TONSL: variants seen among roughly 807,000 people sequenced by gnomAD.
TONSL encodes tonsoku-like protein.
A neutral mutation model predicts 147.1 loss-of-function variants in TONSL; 112 were observed. The ratio of observed to expected loss-of-function variants is 0.76; its 90% CI spans 0.65 to 0.89. TONSL has a LOEUF of 0.89. TONSL is among the 40% of genes least tolerant of loss of function. TONSL has a pLI of 0.00. For missense variants in TONSL, 1,883 were observed against 1,864.6 expected, an observed-to-expected ratio of 1.01 and a Z score of -0.18; for synonymous variants, 868 against 801.5, an observed-to-expected ratio of 1.08 and a Z score of -1.40.
Position 144,431,155 on chromosome 8 carries a change from G to A in TONSL, c.3736-4C>T, listed in dbSNP as rs569775445. On this transcript the variant is annotated splice_region_variant and splice_polypyrimidine_tract_variant and intron_variant, in intron 23 of 25. Transcript: ENST00000409379. ...GGTGGGCTAGAGCACAGCCTTCCTG[G>A]ACATGAGCAGAGGCCCAAGGGGGCC... 6.2e-7 allele frequency: 1 copy of A among 1,614,026 alleles called. No homozygotes were observed.
rs1484689293 is a variant in TONSL at position 144,434,909 on chromosome 8, G to A, written c.3007-20C>T. The A allele has an allele frequency of 6.8e-6, 11 of 1,613,002 alleles. No homozygotes were observed. The highest frequency in any genetic ancestry group is 8.5e-6 in the Non-Finnish European group (10 of 1,179,852). On this transcript the variant is annotated intron_variant, in intron 19 of 25. Coordinates refer to ENST00000409379, the MANE Select transcript of TONSL (RefSeq NM_013432.5). ...CAACACCTGGAAGGCACCGTCATGA[G>A]CCACCTGGGGGCTCCCCCGGCTCAC...
chr8:144,433,880 T>C, intron 21 of TONSL, 98 bp downstream of exon 21: 1 of 1,465,010 alleles, frequency 6.8e-7, no homozygotes, highest in Non-Finnish European at 9.0e-7. Context: ...AGCCGGGCAC[T>C]GGCTGGCTCT....
At chr8:144,435,232 C>A (rs1823393158) in intron 18 of TONSL, 62 bp from the exon 19 acceptor site, 1 of 1,438,790 alleles carries the variant, frequency 7.0e-7, no homozygotes, top group Non-Finnish European at 9.1e-7. Flanking sequence ...CCCCAGGGAC[C>A]CGCCATCCCT....
chr8:144,441,097 G>A lies in TONSL; in HGVS notation c.880C>T (p.Arg294Trp), dbSNP rs946882247. Residue 294 changes from arginine (R) to tryptophan (W), a missense_variant, in exon 8 of 26, where the codon CGG (arginine) becomes TGG (tryptophan). Arg to Trp is a moderately radical substitution (Grantham distance 101). Transcript: ENST00000409379. ...QNLQHVLAVV[R>W]LQQQLEEAEG... is the part of the protein sequence containing the mutation. ...GCCTCTTCCAGCTGTTGCTGCAGCC[G>A]GACCACTGCCAGCACTGCCGGGAAG... 1.1e-5 allele frequency: 18 copies of A among 1,612,780 alleles called. No homozygotes were observed. Among genetic ancestry groups the A allele is most frequent in the East Asian group, 4.5e-5 (2 of 44,878 alleles).
In TONSL at chr8:144,428,878, C is replaced by T; in HGVS notation, c.*265G>A. ...GATCTCGGCTCACTGCAAGCTCCGC[C>T]TCCCGGGTTCACGCCATTCTCCTGC... is the stretch of plus-strand genomic sequence containing the variant. On this transcript the variant is annotated 3_prime_UTR_variant, in exon 26 of 26. Transcript: ENST00000409379. The T allele has an allele frequency of 3.0e-6, 1 of 329,072 alleles. No homozygotes were observed. The highest frequency in any genetic ancestry group is 7.8e-5 in the South Asian group (1 of 12,802). The allele number at this position is 329,072 out of a possible 1,614,324, so 20.4% of individuals were successfully genotyped here. A position where few individuals can be genotyped will look rare whatever the true frequency, so the allele number is the denominator to read the frequency against.
chr8:144,440,570 G>A lies in TONSL; in HGVS notation c.1165-94C>T, dbSNP rs544156783. 1.5e-5 allele frequency: 23 copies of A among 1,522,846 alleles called. No individual in the cohort carries two copies. The Admixed American group carries it at 3.8e-4, about 25-fold the overall frequency. The allele number at this position is 1,522,846 out of a possible 1,614,324, so 94.3% of individuals were successfully genotyped here. ...CCCCGGCTGCCCAGACGAAATGGGA[G>A]CCCGGCCTCCCAGCTGCCGAGGGTG... On this transcript the variant is annotated intron_variant, in intron 9 of 25. Coordinates refer to ENST00000409379, the MANE Select transcript of TONSL (RefSeq NM_013432.5).
chr8:144,440,486 G>A lies in TONSL; in HGVS notation c.1165-10C>T, dbSNP rs1823668235. 1.3e-6 allele frequency: 2 copies of A among 1,588,646 alleles called. No individual in the cohort carries two copies. The highest frequency in any genetic ancestry group is 2.2e-5 in the South Asian group (2 of 89,934). ...GCCAGGTCTTGGCCTCCTGGAGCAG[G>A]AGGAAGGACAGGGTCGGGGGCTGCC... On this transcript the variant is annotated splice_polypyrimidine_tract_variant and intron_variant, in intron 9 of 25. Transcript: ENST00000409379.
Position 144,436,130 on chromosome 8 carries a change from C to G in TONSL, c.2303G>C (p.Arg768Pro). Reference protein sequence around the residue: ...KRPRCSATAQRVAAWTPGPAS... With the variant: ...KRPRCSATAQPVAAWTPGPAS... Reference sequence around the variant, plus strand: ...GGGGCCAGGCGTCCAGGCTGCCACCCGTTGTGCTGTGGCCGAGCACCGAGG... The same window carrying G: ...GGGGCCAGGCGTCCAGGCTGCCACCGGTTGTGCTGTGGCCGAGCACCGAGG... Residue 768 changes from arginine (R) to proline (P), a missense_variant, in exon 17 of 26, where the codon CGG becomes CCG. Arg to Pro is a moderately radical substitution (Grantham distance 103, BLOSUM62 -2). Coordinates refer to ENST00000409379, the MANE Select transcript of TONSL (RefSeq NM_013432.5). 6.4e-7 allele frequency: 1 copy of G among 1,561,596 alleles called. No homozygotes were observed. Among genetic ancestry groups the G allele is most frequent in the South Asian group, 1.1e-5 (1 of 87,576 alleles).
chr8:144,437,993 C>T (rs549748312), intron 13 of TONSL, among the ~76,000 whole-genome samples: 3 of 152,226 alleles, frequency 2.0e-5, no homozygotes, highest in East Asian at 3.9e-4. Context: ...GCCTCCACCT[C>T]CTAGGCTCAA....
At chr8:144,443,515 G>C (rs1009997039) in intron 3 of TONSL, among the ~76,000 whole-genome samples, 194 bp from the exon 4 acceptor site, 1 of 152,270 alleles carries the variant, frequency 6.6e-6, no homozygotes, top group African/African-American at 2.4e-5. Context: ...GCTTCACGCT[G>C]TATGCAGCCA....
chr8:144,439,695 T>C, intron 11 of TONSL: 1 of 391,364 alleles, frequency 2.6e-6, no homozygotes, highest in Non-Finnish European at 4.6e-6. Context: ...AGGAAGGTGC[T>C]CAGCTCTTGC....
Position 144,434,241 on chromosome 8 carries a change from C to T in TONSL, c.3124G>A (p.Gly1042Ser). ...CAGGCGCTGAACGAGAGGCCCAAGC[C>T]CTGGAGCTCCACGGCCTGCAGCACC... is the stretch of plus-strand genomic sequence containing the variant. ...QQVLQAVELQGLGLSFSACSL... is the reference protein window; with the variant it reads ...QQVLQAVELQSLGLSFSACSL... The change falls in exon 21 of 26, where the codon GGC (glycine) becomes AGC (serine). Residue 1042 changes from glycine to serine, a missense_variant. Coordinates refer to ENST00000409379, the MANE Select transcript of TONSL (RefSeq NM_013432.5). 3 of 1,531,376 alleles carry T rather than the reference C, an allele frequency of 2.0e-6. No individual in the cohort carries two copies. Among genetic ancestry groups the T allele is most frequent in the Non-Finnish European group, 2.6e-6 (3 of 1,137,184 alleles). The allele number at this position is 1,531,376 out of a possible 1,614,324, so 94.9% of individuals were successfully genotyped here.
Position 144,438,667 on chromosome 8 carries a change from G to A in TONSL, c.1549C>T (p.Arg517Trp), listed in dbSNP as rs369658346. 2.5e-5 allele frequency: 41 copies of A among 1,613,132 alleles called. No homozygotes were observed. The highest frequency in any genetic ancestry group is 1.8e-4 in the South Asian group (16 of 91,078). ...DEELQGHLGR[R>W]KGSKWNRRND... ...ACTGTCCTCACCTTGCTCCCCTTCC[G>A]CCGGCCCAGGTGGCCCTGAAGCTCC... The change falls in exon 12 of 26, where the codon CGG becomes TGG. Residue 517 changes from arginine to tryptophan, a missense_variant. Transcript: ENST00000409379.
At position 144,435,726 on chromosome 8, in the gene TONSL, G is replaced by A. The variant is rs767568847; in HGVS notation, c.2707C>T (p.Pro903Ser). 31 of 1,612,418 alleles carry A rather than the reference G, an allele frequency of 1.9e-5. No individual in the cohort carries two copies. Among genetic ancestry groups the A allele is most frequent in the South Asian group, 3.3e-5 (3 of 91,088 alleles). ...AGPSSLASEP[P>S]GSPSTPRVSE... ...ACCCTGGGGGTGCTGGGGCTCCCTG[G>A]AGGTTCTGAAGCCAGGCTGCTGGGC... The change falls in exon 17 of 26, where the codon CCA becomes TCA. Residue 903 changes from proline to serine, a missense_variant. Pro to Ser is a moderately conservative substitution (Grantham distance 74). Transcript: ENST00000409379.
rs1036189911 is a variant in TONSL at position 144,444,271 on chromosome 8, C to T, written c.30G>A (p.Leu10=). Residue 10 remains leucine, a synonymous_variant, in exon 2 of 26, where the codon CTG becomes CTA. Transcript: ENST00000409379. MSLERELRQ[L]SKAKAKAQRA... ...TCTGCGCCTTGGCTTTCGCCTTGCT[C>T]AGCTCTGTGGGAGGAAGAGGAGGGC... 41 of 1,446,694 alleles carry T rather than the reference C, an allele frequency of 2.8e-5. No individual in the cohort carries two copies. The highest frequency in any genetic ancestry group is 9.4e-5 in the South Asian group (7 of 74,376). The allele number at this position is 1,446,694 out of a possible 1,614,324, so 89.6% of individuals were successfully genotyped here. A position where few individuals can be genotyped will look rare whatever the true frequency, so the allele number is the denominator to read the frequency against.
At chr8:144,442,459 G>A in intron 5 of TONSL, 47 bp from the exon 6 acceptor site, 2 of 1,509,556 alleles carry the variant, frequency 1.3e-6, no homozygotes, top group Non-Finnish European at 8.8e-7. Flanking sequence ...GTCCATGACA[G>A]CTGCTGATGC....
Position 144,436,589 on chromosome 8 carries a change from C to T in TONSL, c.1983G>A (p.Glu661=), listed in dbSNP as rs918404422. ...LETRQKARAM[E]MLLQAAASGQ... ...CCGAGGCAGCCGCCTGGAGCAGCAT[C>T]TCCATGGCCCTGGCCTTCTGCCGCG... The change falls in exon 16 of 26, where the codon GAG becomes GAA. Residue 661 remains glutamate (E), a synonymous_variant. Transcript: ENST00000409379. The T allele has an allele frequency of 6.2e-7, 1 of 1,611,346 alleles. No individual in the cohort carries two copies. Among genetic ancestry groups the T allele is most frequent in the African/African-American group, 1.3e-5 (1 of 74,942 alleles).
rs775770365 is a variant in TONSL, at chr8:144,442,719, G to A, written c.536C>T (p.Ala179Val). 1.2e-6 allele frequency: 2 copies of A among 1,613,024 alleles called. No homozygotes were observed. Among genetic ancestry groups the A allele is most frequent in the Admixed American group, 1.7e-5 (1 of 60,024 alleles). The stretch of plus-strand genomic sequence containing the variant: ...CTTCCTGAAGTAATCGTTGCACAGG[G>A]CTGTCTGCTGCAGGCTCTCAAAGGT... ...GLTFESLQQT[A>V]LCNDYFRKSI... Residue 179 changes from alanine (A) to valine (V), a missense_variant, in exon 5 of 26, where the codon GCC becomes GTC. Transcript: ENST00000409379.
rs747666549 is a variant in TONSL at position 144,436,036 on chromosome 8, C to T, written c.2397G>A (p.Val799=). The T allele has an allele frequency of 6.4e-6, 10 of 1,570,020 alleles. No homozygotes were observed. Among genetic ancestry groups the T allele is most frequent in the Non-Finnish European group, 8.6e-6 (10 of 1,163,708 alleles). Residue 799 remains valine (V), a synonymous_variant, in exon 17 of 26, where the codon GTG becomes GTA. Transcript: ENST00000409379. ...GCCCCAGCCGGCTCTGAGCACTGCC[C>T]ACACCCCGGATGGCTGCCTGGTAGG... ...RAAYQAAIRG[V]GSAQSRLGPG...
Sources: gnomAD v4.1 joint callset for allele counts (sites outside exome capture counted in the v4.1 genomes callset) on GRCh38, gnomAD v4.1.1 for gene constraint, MANE v1.5 for transcripts, NCBI Gene and HGNC (gene_info 2026-07-23, HGNC 2026-07-21) for gene names.